Variants in TIAM2 observed in about 807,000 individuals in gnomAD.
The protein encoded by TIAM2 is TIAM Rac1 associated GEF 2, also known as rho guanine nucleotide exchange factor TIAM2.
A neutral mutation model predicts 152.9 loss-of-function variants in TIAM2; 80 were observed. That is an observed-to-expected ratio of 0.52 (90% CI 0.44 to 0.63). TIAM2 has a LOEUF of 0.63. TIAM2 is among the 30% of genes least tolerant of loss of function. The pLI is 0.00. For synonymous variants in TIAM2, 804 were observed against 838.0 expected, an observed-to-expected ratio of 0.96 and a Z score of 0.70; for missense variants, 1,965 against 2,120.1, an observed-to-expected ratio of 0.93 and a Z score of 1.44.
intron 5 of TIAM2, among the ~76,000 whole-genome samples, chr6:155,143,421 T>G (rs1317191217): frequency 6.6e-6 from 1 of 152,198 alleles, no homozygotes; most frequent in Non-Finnish European, 1.5e-5. Context: ...CGTTTGAAAA[T>G]TCAGGCACAT....
intron 2 of TIAM2, among the ~76,000 whole-genome samples, chr6:155,119,888 G>A (rs573407791): frequency 2.6e-5 from 4 of 152,224 alleles, no homozygotes; most frequent in South Asian, 4.1e-4. Flanking sequence ...GGATTCACTC[G>A]TCTATTTTCC....
chr6:155,187,151 G>C (rs192196766), intron 14 of TIAM2, among the ~76,000 whole-genome samples: 119 of 152,202 alleles, frequency 7.8e-4, no homozygotes, highest in African/African-American at 2.7e-3. Flanking sequence ...TAAAATGTGT[G>C]GGGGACCCTG....
At position 155,160,155 on chromosome 6, in the gene TIAM2, G is replaced by A. The variant is rs144306335; in HGVS notation, c.2029-4260G>A. On this transcript the variant is annotated intron_variant, in intron 7 of 26. Transcript: ENST00000682666. ...AGACAATGGTATAGTTCCAGTCTGA[G>A]TCTAAGGCATGAGAATGAAGACAGC... Among the ~76,000 whole-genome samples the A allele has an allele frequency of 1.1e-4, 16 of 152,300 alleles. No individual in the cohort carries two copies. The East Asian group carries it at 3.1e-3, about 29-fold the overall frequency.
chr6:155,214,724 A>G lies in TIAM2; in HGVS notation c.3168+3417A>G, dbSNP rs1451232600. 1.3e-5 allele frequency among the ~76,000 whole-genome samples: 2 copies of G among 152,170 alleles called. No individual in the cohort carries two copies. The highest frequency in any genetic ancestry group is 4.8e-5 in the African/African-American group (2 of 41,426). On this transcript the variant is annotated intron_variant, in intron 15 of 26. Transcript: ENST00000682666. This position sits in a 1 kb window ranked among gnomAD's most constrained non-coding sequence, Gnocchi z 5.4. ...GAACCCAATATCATATCTAATGTTC[A>G]TTAGCTTTTTAATGAAGCAGTGGAT...
At chr6:155,117,276 A>AGC (rs113015834) in intron 2 of TIAM2, among the ~76,000 whole-genome samples, 2 of 151,316 alleles carry the variant, frequency 1.3e-5, no homozygotes, top group East Asian at 3.9e-4. Flanking sequence ...TTTGCTTGAA[A>AGC]GTGTGTGTGT....
At chr6:155,100,778 C>T (rs1358172731) in intron 2 of TIAM2, among the ~76,000 whole-genome samples, 1 of 152,054 alleles carries the variant, frequency 6.6e-6, no homozygotes, top group Non-Finnish European at 1.5e-5. Flanking sequence ...GGGAGGCAGA[C>T]AAAATTATCC....
intron 18 of TIAM2, 83 bp downstream of exon 18, chr6:155,244,866 G>T (rs1338731130): frequency 2.8e-6 from 4 of 1,449,844 alleles, no homozygotes; most frequent in East Asian, 2.4e-5. Flanking sequence ...TCATGAGAAA[G>T]AATTTCTTGT....
intron 1 of TIAM2, among the ~76,000 whole-genome samples, chr6:155,012,573 C>T (rs568469638): frequency 5.3e-5 from 8 of 152,132 alleles, no homozygotes; most frequent in African/African-American, 1.4e-4. Context: ...TTTTTTGAGA[C>T]GGAGTCTCAC....
intron 1 of TIAM2, among the ~76,000 whole-genome samples, chr6:155,047,209 C>T (rs532144207): frequency 7.1e-4 from 108 of 152,300 alleles, no homozygotes; most frequent in Non-Finnish European, 1.2e-3. Context: ...GGGTCTCACT[C>T]TGTCGCCCAG....
rs554416594 is a variant in TIAM2 at position 155,185,546 on chromosome 6, G to A, written c.3064+2046G>A. Among the ~76,000 whole-genome samples the A allele has an allele frequency of 3.1e-4, 47 of 150,486 alleles. 1 individual carries two copies. The highest frequency in any genetic ancestry group is 6.2e-4 in the Non-Finnish European group (42 of 67,842). ...TATTTATTTATTTATTTATTGGCAAGGAAACAGAATAAAGAGGCAGTCCTG... is the reference window on the plus strand; with the variant it reads ...TATTTATTTATTTATTTATTGGCAAAGAAACAGAATAAAGAGGCAGTCCTG... On this transcript the variant is annotated intron_variant, in intron 14 of 26. Transcript: ENST00000682666.
intron 1 of TIAM2, among the ~76,000 whole-genome samples, chr6:155,049,020 C>T (rs1398639262): frequency 1.3e-5 from 2 of 151,914 alleles, no homozygotes; most frequent in East Asian, 1.9e-4. Flanking sequence ...AGGCTGGTCT[C>T]GAACTCCTGA....
chr6:155,036,466 G>A (rs961695375), intron 1 of TIAM2, among the ~76,000 whole-genome samples: 1 of 149,468 alleles, frequency 6.7e-6, no homozygotes, highest in African/African-American at 2.5e-5. Context: ...CCCGGGAGGT[G>A]GAGGTTTCAG....
At chr6:155,195,500 G>A (rs1781319935) in intron 14 of TIAM2, among the ~76,000 whole-genome samples, 1 of 152,172 alleles carries the variant, frequency 6.6e-6, no homozygotes, top group Admixed American at 6.5e-5. Flanking sequence ...GATCTAGGAG[G>A]GCTAGAGATA....
At chr6:155,169,176 T>A (rs925048870) in intron 9 of TIAM2, among the ~76,000 whole-genome samples, 1 of 152,134 alleles carries the variant, frequency 6.6e-6, no homozygotes, top group African/African-American at 2.4e-5. Context: ...TTTGTGTTTT[T>A]AGTAGACATG....
At position 155,147,742 on chromosome 6, in the gene TIAM2, C is replaced by T. The variant is rs536100041; in HGVS notation, c.1804-368C>T. Among the ~76,000 whole-genome samples, 788 of 152,326 alleles carry T rather than the reference C, an allele frequency of 5.2e-3. 12 individuals carry two copies. The highest frequency in any genetic ancestry group is 0.018 in the African/African-American group (762 of 41,576). ...TCAGGTGATCCACCTGCTTCAGCCT[C>T]CCAAAGTGCTGGGATTACAGGCGTG... On this transcript the variant is annotated intron_variant, in intron 6 of 26. Coordinates refer to ENST00000682666, the MANE Select transcript of TIAM2 (RefSeq NM_012454.4).
chr6:155,022,622 C>T (rs1311670572), intron 1 of TIAM2: 1 of 152,200 alleles, frequency 6.6e-6, no homozygotes, highest in African/African-American at 2.4e-5. Context: ...TCTTGAAGAG[C>T]TCATCTCTGA....
chr6:155,187,101 C>T (rs1240182278), intron 14 of TIAM2, among the ~76,000 whole-genome samples: 8 of 152,022 alleles, frequency 5.3e-5, no homozygotes, highest in African/African-American at 2.4e-5. Context: ...GCTTATGTTG[C>T]CCTTCCAAGC....
intron 15 of TIAM2, 109 bp from the exon 16 acceptor site, chr6:155,240,421 C>T (rs767554007): frequency 8.2e-6 from 10 of 1,225,666 alleles, no homozygotes; most frequent in Non-Finnish European, 1.1e-5. Context: ...ACAGAGGCCC[C>T]TCTGAGATCC....
chr6:155,109,112 T>G (rs1043175069), intron 2 of TIAM2, among the ~76,000 whole-genome samples: 4 of 152,024 alleles, frequency 2.6e-5, no homozygotes, highest in African/African-American at 4.8e-5. Context: ...GCCTCCCGAG[T>G]AGCTGGGACT....
Sources: allele counts gnomAD v4.1 joint callset (sites outside exome capture counted in the v4.1 genomes callset), GRCh38; gene constraint gnomAD v4.1.1; non-coding constraint Gnocchi (gnomAD v3.1); transcripts MANE v1.5; gene names NCBI Gene and HGNC (gene_info 2026-07-23, HGNC 2026-07-21).